The following MED22 variants were observed in gnomAD, a reference collection of about 807,000 sequenced individuals.
The protein encoded by MED22 is mediator of RNA polymerase II transcription subunit 22.
Under a neutral mutation model 22.7 loss-of-function variants are expected in MED22, and 22 were observed. The ratio of observed to expected loss-of-function variants is 0.97; its 90% CI spans 0.69 to 1.38. MED22 has a LOEUF of 1.38. MED22 is among the 40% of genes most tolerant of loss of function. The pLI, the probability that MED22 is intolerant of heterozygous loss-of-function variation, is 0.00. For synonymous variants in MED22, 134 were observed against 119.4 expected (o/e 1.12, Z -0.80); for missense variants, 247 against 263.0 (o/e 0.94, Z 0.42).
chr9:133,342,689 G>GT (rs1836043839), intron 4 of MED22: 1 of 985,764 alleles, frequency 1.0e-6, no homozygotes, highest in African/African-American at 1.7e-5. Context: ...GCTGTGTGAG[G>GT]CCCCCCAGGG....
chr9:133,345,291 A>T, intron 2 of MED22, 39 bp from the exon 3 acceptor site: 1 of 1,603,542 alleles, frequency 6.2e-7, no homozygotes, highest in Non-Finnish European at 8.5e-7. Context: ...CAACCCAGCC[A>T]AGGCATCCCC....
At chr9:133,342,081 C>G (rs1836022097) in intron 4 of MED22, 1 of 1,087,392 alleles carries the variant, frequency 9.2e-7, no homozygotes, top group African/African-American at 1.7e-5. Flanking sequence ...CTGCAGAAAC[C>G]CCAGTGTCAC....
intron 4 of MED22, chr9:133,343,619 C>T: frequency 2.4e-6 from 3 of 1,244,288 alleles, no homozygotes; most frequent in Non-Finnish European, 3.0e-6. Context: ...CTTCATCCCC[C>T]ACATTCCCAT....
rs1211684877 is a variant in MED22 at position 133,345,159 on chromosome 9, C to T, written c.204+13G>A. 1 of 1,613,576 alleles carries T rather than the reference C, an allele frequency of 6.2e-7. No homozygotes were observed. Among genetic ancestry groups the T allele is most frequent in the Admixed American group, 1.7e-5 (1 of 60,020 alleles). ...TTGGAGCCCAGGCCGTGCCCTCCACCCTGGCCACTCACGATGTTGGCGGCT... is the reference window on the plus strand; with the variant it reads ...TTGGAGCCCAGGCCGTGCCCTCCACTCTGGCCACTCACGATGTTGGCGGCT... On this transcript the variant is annotated intron_variant, in intron 3 of 4. Transcript: ENST00000343730.
chr9:133,338,924 A>G lies in MED22; in HGVS notation c.*2581T>C. The G allele has an allele frequency of 1.8e-6, 1 of 571,186 alleles. No homozygotes were observed. The highest frequency in any genetic ancestry group is 3.4e-6 in the Non-Finnish European group (1 of 296,958). 35.4% of individuals were successfully genotyped at this position (571,186 alleles called of 1,614,324 possible). ...GACTCCAAAATAACAACCAAATGCA[A>G]CACACAATAAAAACAGGCATAAAAG... On this transcript the variant is annotated 3_prime_UTR_variant, in exon 5 of 5. Coordinates refer to ENST00000343730, the MANE Select transcript of MED22 (RefSeq NM_133640.5).
At chr9:133,344,079 G>A (rs2129959065) in intron 4 of MED22, 46 bp downstream of exon 4, 3 of 1,605,112 alleles carry the variant, frequency 1.9e-6, no homozygotes, top group South Asian at 1.1e-5. Flanking sequence ...CCAGGCCCAG[G>A]TAGGCAGGCT....
chr9:133,346,447 A>G, intron 2 of MED22, 93 bp downstream of exon 2: 1 of 1,520,364 alleles, frequency 6.6e-7, no homozygotes. Flanking sequence ...TCCTGCCTAG[A>G]ACACTATTCA....
intron 4 of MED22, chr9:133,342,701 G>A (rs1836045112): frequency 2.0e-6 from 2 of 985,856 alleles, no homozygotes; most frequent in Non-Finnish European, 1.2e-6. Context: ...CCCCCAGGGG[G>A]CGCTGGTGTG....
intron 1 of MED22, 58 bp from the exon 2 acceptor site, chr9:133,346,758 G>A: frequency 1.4e-6 from 2 of 1,441,404 alleles, no homozygotes; most frequent in South Asian, 1.3e-5. Context: ...CACCCTCTAT[G>A]CCCCAACCTT....
intron 4 of MED22, chr9:133,343,409 G>T: frequency 8.2e-7 from 1 of 1,226,698 alleles, no homozygotes; most frequent in South Asian, 4.2e-5. Flanking sequence ...TGATTTCTCA[G>T]GGCCCCTCCA....
chr9:133,342,766 A>G, intron 4 of MED22: 1 of 985,900 alleles, frequency 1.0e-6, no homozygotes, highest in Non-Finnish European at 1.2e-6. Flanking sequence ...CGCTGGGTGA[A>G]GCTGAGGGAC....
In MED22 at chr9:133,346,594, C is replaced by T; in HGVS notation, c.69G>A (p.Lys23=). 1 of 1,613,122 alleles carries T rather than the reference C, an allele frequency of 6.2e-7. No individual in the cohort carries two copies. The change falls in exon 2 of 5, where the codon AAG becomes AAA. Residue 23 remains lysine (K), a synonymous_variant. Coordinates refer to ENST00000343730, the MANE Select transcript of MED22 (RefSeq NM_133640.5). ...TLLQSYNKRL[K]DDIKSIMDNF... is the part of the protein sequence containing the mutation. ...TGTCCATGATGGACTTAATGTCGTCCTTCAGCCGCTTGTTGTAGGACTGCA... is the reference window on the plus strand; with the variant it reads ...TGTCCATGATGGACTTAATGTCGTCTTTCAGCCGCTTGTTGTAGGACTGCA...
rs1836002937 is a variant in MED22, at chr9:133,341,515, T to C, written c.593A>G (p.Glu198Gly). 1.3e-6 allele frequency: 2 copies of C among 1,516,210 alleles called. No individual in the cohort carries two copies. The highest frequency in any genetic ancestry group is 1.8e-6 in the Non-Finnish European group (2 of 1,142,684). 93.9% of individuals were successfully genotyped at this position (1,516,210 alleles called of 1,614,324 possible). A position where few individuals can be genotyped will look rare whatever the true frequency, so the allele number is the denominator to read the frequency against. Reference protein sequence around the residue: ...HSHAGGPGPTEHA With the variant: ...HSHAGGPGPTGHA ...CGTGGCCCCGGAGGCTCAGGCGTGC[T>C]CAGTGGGGCCAGGGCCACCAGCATG... is the stretch of plus-strand genomic sequence containing the variant. Residue 198 changes from glutamate (E) to glycine (G), a missense_variant, in exon 5 of 5, where the codon GAG (glutamate) becomes GGG (glycine). By Grantham distance (98) the Glu-to-Gly change is moderately conservative (BLOSUM62 -2). Transcript: ENST00000343730.
chr9:133,344,484 A>T, intron 3 of MED22, 151 bp from the exon 4 acceptor site: 1 of 724,050 alleles, frequency 1.4e-6, no homozygotes, highest in Non-Finnish European at 2.3e-6. Context: ...CCACAGGTTC[A>T]TGTGTGAGAA....
chr9:133,344,253 G>C lies in MED22; in HGVS notation c.285C>G (p.Asn95Lys). Residue 95 changes from asparagine (N) to lysine (K), a missense_variant, in exon 4 of 5, where the codon AAC (asparagine) becomes AAG (lysine). By Grantham distance (94) the Asn-to-Lys change is moderately conservative (BLOSUM62 0). Transcript: ENST00000343730. ...FLILNDFPSV[N>K]EAIDQRNQQL... ...GCTGGTTGCGCTGGTCAATGGCCTC[G>C]TTCACGGAGGGGAAGTCATTGAGGA... 1 of 1,614,228 alleles carries C rather than the reference G, an allele frequency of 6.2e-7. No individual in the cohort carries two copies.
At position 133,340,256 on chromosome 9, in the gene MED22, G is replaced by A. The variant is rs1292785303; in HGVS notation, c.*1249C>T. On this transcript the variant is annotated 3_prime_UTR_variant, in exon 5 of 5. Coordinates refer to ENST00000343730, the MANE Select transcript of MED22 (RefSeq NM_133640.5). The stretch of plus-strand genomic sequence containing the variant: ...AGCCAGGACTGGGCCTCAAGCTCCT[G>A]TCTGTCTGGTGCCTTCTGCTTGGCT... 1.3e-5 allele frequency: 2 copies of A among 152,198 alleles called. No homozygotes were observed. The highest frequency in any genetic ancestry group is 3.9e-4 in the East Asian group (2 of 5,184). 9.4% of individuals were successfully genotyped at this position (152,198 alleles called of 1,614,324 possible).
At chr9:133,346,845 C>T (rs1478068626) in intron 1 of MED22, 145 bp from the exon 2 acceptor site, 5 of 791,686 alleles carry the variant, frequency 6.3e-6, no homozygotes, top group Non-Finnish European at 9.7e-6. Flanking sequence ...GAACTCATTC[C>T]ATCAGCAGAC....
intron 4 of MED22, chr9:133,343,633 T>C: frequency 8.0e-7 from 1 of 1,246,726 alleles, no homozygotes; most frequent in Non-Finnish European, 1.0e-6. Context: ...TTCCCATGAC[T>C]GTCCCTGCCT....
intron 3 of MED22, 124 bp from the exon 4 acceptor site, chr9:133,344,457 G>C: frequency 1.1e-6 from 1 of 914,388 alleles, no homozygotes; most frequent in Non-Finnish European, 1.7e-6. Flanking sequence ...TGCAAAGTGG[G>C]ACTCTACCCC....
Sources: gnomAD v4.1 joint callset for allele counts on GRCh38, gnomAD v4.1.1 for gene constraint, MANE v1.5 for transcripts, NCBI Gene and HGNC (gene_info 2026-07-23, HGNC 2026-07-21) for gene names.